The following HPS4 variants were observed in gnomAD, a reference collection of about 807,000 sequenced individuals.
HPS4 encodes the protein BLOC-3 complex member HPS4.
HPS4 carries 44 observed loss-of-function variants against 70.3 expected under a neutral mutation model. The ratio of observed to expected loss-of-function variants is 0.63; its 90% CI spans 0.49 to 0.80. The LOEUF is 0.80. Ranked by LOEUF, HPS4 falls within the 30% of genes least tolerant of loss-of-function variation. The pLI is 0.00. For missense variants in HPS4, 873 were observed against 884.4 expected (o/e 0.99, Z 0.16); for synonymous variants, 377 against 355.9 (o/e 1.06, Z -0.67).
chr22:26,481,614 T>C (rs539644509), intron 2 of HPS4, 108 bp downstream of exon 2: 258 of 1,039,774 alleles, frequency 2.5e-4, no homozygotes, highest in African/African-American at 1.9e-3. Context: ...GCATTTTTAT[T>C]GTTATGTTAA....
At chr22:26,456,120 G>A (rs567522512) in intron 13 of HPS4, among the ~76,000 whole-genome samples, 2 of 152,296 alleles carry the variant, frequency 1.3e-5, no homozygotes, top group East Asian at 1.9e-4. Flanking sequence ...CAAGTGTGGC[G>A]GGTGACAGGG....
intron 8 of HPS4, chr22:26,466,651 A>G (rs2088679739): frequency 1.3e-5 from 4 of 308,052 alleles, no homozygotes; most frequent in South Asian, 3.9e-5. Flanking sequence ...TAGAATTCAC[A>G]TAAATTCCAT....
downstream of HPS4, among the ~76,000 whole-genome samples, chr22:26,448,015 A>AGCGG (rs1463790483): frequency 6.6e-6 from 1 of 152,354 alleles, no homozygotes; most frequent in East Asian, 1.9e-4. Context: ...ACAGGCTCAG[A>AGCGG]GCGGGCAGCT....
chr22:26,457,537 C>T (rs950601656), intron 13 of HPS4, among the ~76,000 whole-genome samples: 4 of 152,098 alleles, frequency 2.6e-5, no homozygotes, highest in Non-Finnish European at 5.9e-5. Flanking sequence ...AGAAAGACAA[C>T]AATATTTCAA....
In HPS4 at chr22:26,464,270, G is replaced by A. The variant is rs186173240; in HGVS notation, c.1360C>T (p.Pro454Ser). Residue 454 changes from proline to serine, a missense_variant, in exon 11 of 14, where the codon CCC becomes TCC. Coordinates refer to ENST00000398145, the MANE Select transcript of HPS4 (RefSeq NM_022081.6). Reference sequence around the variant, plus strand: ...GGGAGAGGGTCTGCTCTGGGAATGGGGGCTTGGCTGCTATGGCCAGGATGG... The same window carrying A: ...GGGAGAGGGTCTGCTCTGGGAATGGAGGCTTGGCTGCTATGGCCAGGATGG... ...EDHPGHSSQA[P>S]IPRADPLPRR... The A allele has an allele frequency of 8.1e-6, 13 of 1,614,138 alleles. No homozygotes were observed. The Admixed American group carries it at 2.0e-4, about 25-fold the overall frequency.
At position 26,465,494 on chromosome 22, in the gene HPS4, G is replaced by C. The variant is rs2088367930; in HGVS notation, c.764C>G (p.Ala255Gly). 2 of 1,614,082 alleles carry C rather than the reference G, an allele frequency of 1.2e-6. No individual in the cohort carries two copies. Among genetic ancestry groups the C allele is most frequent in the South Asian group, 1.1e-5 (1 of 91,074 alleles). The part of the protein sequence containing the change: ...IIPVFVTKEE[A>G]ISLHEFPVEQ... ...CACCGGGAACTCGTGGAGACTAATG[G>C]CTTCCTCTTTGGTCACAAAAACAGG... The change falls in exon 10 of 14, where the codon GCC (alanine) becomes GGC (glycine). Residue 255 changes from alanine (A) to glycine (G), a missense_variant. Ala to Gly is a moderately conservative substitution (Grantham distance 60). Transcript: ENST00000398145.
At chr22:26,460,569 G>A (rs1341946903) in intron 11 of HPS4, among the ~76,000 whole-genome samples, 3 of 152,238 alleles carry the variant, frequency 2.0e-5, no homozygotes, top group Non-Finnish European at 4.4e-5. Context: ...TTTCCCCACA[G>A]GCACGGAGCT....
rs1278297855 is a variant in HPS4 at position 26,457,986 on chromosome 22, G to GC, written c.1847-20_1847-19insG. The GC allele has an allele frequency of 5.1e-6, 8 of 1,581,900 alleles. No homozygotes were observed. The East Asian group carries it at 1.8e-4, about 35-fold the overall frequency. On this transcript the variant is annotated intron_variant, in intron 12 of 13. Transcript: ENST00000398145. ...AGGTTTGCTTCCAGAAGAGGACACAGAGTTGTGAAGAGCAGACAGTTACCT... is the reference window on the plus strand; with the variant it reads ...AGGTTTGCTTCCAGAAGAGGACACAGCAGTTGTGAAGAGCAGACAGTTACCT...
chr22:26,458,694 C>T, intron 11 of HPS4, 117 bp from the exon 12 acceptor site: 1 of 1,207,376 alleles, frequency 8.3e-7, no homozygotes, highest in Non-Finnish European at 1.2e-6. Flanking sequence ...CGGTGGCTCA[C>T]ACCTGTAATC....
intron 4 of HPS4, 52 bp from the exon 5 acceptor site, chr22:26,472,991 A>C: frequency 2.0e-6 from 3 of 1,530,332 alleles, no homozygotes; most frequent in Non-Finnish European, 2.7e-6. Context: ...TTTGAGTCCA[A>C]GCCCAGAATC....
At chr22:26,446,843 T>C (rs992722602), downstream of HPS4, among the ~76,000 whole-genome samples, 5 of 152,226 alleles carry the variant, frequency 3.3e-5, no homozygotes, top group African/African-American at 1.2e-4. Flanking sequence ...TTCTCCTGCC[T>C]CAGCCTCGTG....
At position 26,465,384 on chromosome 22, in the gene HPS4, G is replaced by GT. The variant is rs1184745606; in HGVS notation, c.803+70dup. On this transcript the variant is annotated intron_variant, in intron 10 of 13. Transcript: ENST00000398145. ...GAACGATGGGATGTATCAGAGGTTTGTTTTTTAACCAATCACGCGATGGGG... is the reference window on the plus strand; with the variant it reads ...GAACGATGGGATGTATCAGAGGTTTGTTTTTTTAACCAATCACGCGATGGGG... The GT allele has an allele frequency of 1.3e-5, 15 of 1,113,234 alleles. No individual in the cohort carries two copies. The African/African-American group carries it at 2.3e-4, about 17-fold the overall frequency. 69.0% of individuals were successfully genotyped at this position (1,113,234 alleles called of 1,614,324 possible).
intron 4 of HPS4, 91 bp downstream of exon 4, chr22:26,476,902 C>T (rs1469052095): frequency 4.1e-5 from 56 of 1,376,594 alleles, no homozygotes; most frequent in Non-Finnish European, 5.6e-5. Flanking sequence ...TTGGTGGGGG[C>T]AGATAATTCT....
downstream of HPS4, among the ~76,000 whole-genome samples, chr22:26,450,480 C>T (rs75229840): frequency 8.4e-3 from 1,284 of 152,360 alleles, 8 homozygotes; most frequent in Middle Eastern, 0.017. Flanking sequence ...GAAGTGACAA[C>T]GGCCCAGAAG....
Position 26,478,139 on chromosome 22 carries a change from G to A in HPS4, c.133-1003C>T, listed in dbSNP as rs1052495657. ...ACTGTTACTAATTACTGTAACTTTC[G>A]TTAGGTGTGGTAATGTTCAAAATAA... On this transcript the variant is annotated intron_variant, in intron 3 of 13. Transcript: ENST00000398145. Among the ~76,000 whole-genome samples, 6 of 152,032 alleles carry A rather than the reference G, an allele frequency of 3.9e-5. 1 individual carries two copies. In the South Asian group the frequency reaches 6.2e-4, roughly 16 times the overall value.
chr22:26,458,722 C>A, intron 11 of HPS4, 145 bp from the exon 12 acceptor site: 1 of 889,550 alleles, frequency 1.1e-6, no homozygotes, highest in Non-Finnish European at 1.7e-6. Context: ...TTTGTGAGAC[C>A]GAGGCAGGAG....
intron 13 of HPS4, among the ~76,000 whole-genome samples, chr22:26,455,446 A>G (rs368987463): frequency 6.6e-6 from 1 of 150,542 alleles, no homozygotes; most frequent in Admixed American, 6.6e-5. Context: ...CATGGATGAA[A>G]CTGGAAACCA....
chr22:26,456,945 G>C (rs1228341378), intron 13 of HPS4, among the ~76,000 whole-genome samples: 1 of 152,134 alleles, frequency 6.6e-6, no homozygotes, highest in African/African-American at 2.4e-5. Flanking sequence ...TGGCATGGAG[G>C]TGTTCAAGCT....
chr22:26,464,331 C>T lies in HPS4; in HGVS notation c.1299G>A (p.Met433Ile). ...SSLRPPSAPE[M>I]LTQHGAQEQL... Reference sequence around the variant, plus strand: ...GCTCTTGGGCTCCATGCTGGGTCAGCATCTCAGGAGCAGAGGGAGGGCGCA... The same window carrying T: ...GCTCTTGGGCTCCATGCTGGGTCAGTATCTCAGGAGCAGAGGGAGGGCGCA... Residue 433 changes from methionine (M) to isoleucine (I), a missense_variant, in exon 11 of 14, where the codon ATG becomes ATA. Coordinates refer to ENST00000398145, the MANE Select transcript of HPS4 (RefSeq NM_022081.6). 1 of 1,614,096 alleles carries T rather than the reference C, an allele frequency of 6.2e-7. No individual in the cohort carries two copies. The highest frequency in any genetic ancestry group is 8.5e-7 in the Non-Finnish European group (1 of 1,180,030).
Sources: allele counts gnomAD v4.1 joint callset (sites outside exome capture counted in the v4.1 genomes callset), GRCh38; gene constraint gnomAD v4.1.1; transcripts MANE v1.5; gene names NCBI Gene and HGNC (gene_info 2026-07-23, HGNC 2026-07-21).